Variants in ZEB2 observed in about 807,000 individuals in gnomAD.
The protein encoded by ZEB2 is zinc finger E-box-binding homeobox 2.
Under a neutral mutation model 99.9 loss-of-function variants are expected in ZEB2, and 6 were observed. The observed-to-expected ratio is 0.06, with a 90% CI of 0.03 to 0.12. The LOEUF is 0.12. ZEB2 is among the 10% of genes least tolerant of loss of function. The pLI is 1.00. For missense variants in ZEB2, 969 were observed against 1,502.8 expected, an observed-to-expected ratio of 0.64 and a Z score of 5.87; for synonymous variants, 517 against 542.5, an observed-to-expected ratio of 0.95 and a Z score of 0.65.
In ZEB2 at chr2:144,417,037, G is replaced by A. The variant is rs114313843; in HGVS notation, c.403+7759C>T. 5.1e-3 allele frequency among the ~76,000 whole-genome samples: 777 copies of A among 152,216 alleles called. 3 individuals carry two copies. Among genetic ancestry groups the A allele is most frequent in the African/African-American group, 0.018 (728 of 41,536 alleles). On this transcript the variant is annotated intron_variant, in intron 4 of 9. Transcript: ENST00000627532. The stretch of plus-strand genomic sequence containing the variant: ...AATATTTTACATGCATTTCGTATTC[G>A]TCTACCACTGTTTTATTCACCCGGA...
intron 2 of ZEB2, among the ~76,000 whole-genome samples, chr2:144,511,102 C>T (rs572691963): frequency 6.6e-6 from 1 of 152,158 alleles, no homozygotes; most frequent in African/African-American, 2.4e-5. Context: ...CCAGATGACA[C>T]AAGAGTTGGT....
chr2:144,491,368 A>C (rs1338826431), intron 2 of ZEB2, among the ~76,000 whole-genome samples: 7 of 152,082 alleles, frequency 4.6e-5, no homozygotes, highest in East Asian at 1.9e-4. Flanking sequence ...AAAAAAAAAA[A>C]AAAAAACGAC....
In ZEB2 at chr2:144,451,202, C is replaced by T. The variant is rs540359778; in HGVS notation, c.74-21176G>A. Among the ~76,000 whole-genome samples, 130 of 152,220 alleles carry T rather than the reference C, an allele frequency of 8.5e-4. 1 individual carries two copies. Among genetic ancestry groups the T allele is most frequent in the African/African-American group, 3.0e-3 (126 of 41,520 alleles). ...GAGGTCCTATAGAAGCTGTTAGTTCCCATATAGAAATACTAGAGTGAATAA... is the reference window on the plus strand; with the variant it reads ...GAGGTCCTATAGAAGCTGTTAGTTCTCATATAGAAATACTAGAGTGAATAA... On this transcript the variant is annotated intron_variant, in intron 2 of 9. Coordinates refer to ENST00000627532, the MANE Select transcript of ZEB2 (RefSeq NM_014795.4).
At chr2:144,453,445 T>C (rs931864363) in intron 2 of ZEB2, among the ~76,000 whole-genome samples, 3 of 152,180 alleles carry the variant, frequency 2.0e-5, no homozygotes, top group Non-Finnish European at 4.4e-5. Flanking sequence ...TCTCAAATAA[T>C]TTTTCACTGA....
Position 144,385,424 on chromosome 2 carries a change from T to G in ZEB2, c.*4027A>C, listed in dbSNP as rs971471469. Reference sequence around the variant, plus strand: ...TTTCCCCATGTGAATTCTTTGGTGTTTTTTCCCCCTCTTTTTTTAGTGCTA... The same window carrying G: ...TTTCCCCATGTGAATTCTTTGGTGTGTTTTCCCCCTCTTTTTTTAGTGCTA... On this transcript the variant is annotated 3_prime_UTR_variant, in exon 10 of 10. Coordinates refer to ENST00000627532, the MANE Select transcript of ZEB2 (RefSeq NM_014795.4). The G allele has an allele frequency of 6.6e-6, 1 of 152,160 alleles. No homozygotes were observed. The highest frequency in any genetic ancestry group is 2.4e-5 in the African/African-American group (1 of 41,422). 9.4% of individuals were successfully genotyped at this position (152,160 alleles called of 1,614,324 possible).
chr2:144,500,479 G>GTT (rs1560652042), intron 2 of ZEB2, among the ~76,000 whole-genome samples: 2 of 152,124 alleles, frequency 1.3e-5, no homozygotes, highest in Non-Finnish European at 2.9e-5. Context: ...GATTGATACT[G>GTT]TTCACTCACT....
At chr2:144,458,742 C>T (rs1288807298) in intron 2 of ZEB2, among the ~76,000 whole-genome samples, 1 of 152,092 alleles carries the variant, frequency 6.6e-6, no homozygotes, top group Non-Finnish European at 1.5e-5. Flanking sequence ...CATGATGAAG[C>T]AATTTTAGCC....
intron 2 of ZEB2, among the ~76,000 whole-genome samples, chr2:144,504,815 G>T (rs1704930010): frequency 6.6e-6 from 1 of 152,148 alleles, no homozygotes; most frequent in South Asian, 2.1e-4. Context: ...ATTAAATGTA[G>T]CAGCCTAATT....
intron 2 of ZEB2, among the ~76,000 whole-genome samples, chr2:144,467,162 TAAAA>T (rs199536081): frequency 7.1e-6 from 1 of 140,516 alleles, no homozygotes; most frequent in African/African-American, 2.6e-5. Context: ...CATTGTTAAA[TAAAA>T]AAAAAAAGGC....
intron 2 of ZEB2, among the ~76,000 whole-genome samples, chr2:144,445,400 T>G (rs1258035593): frequency 6.7e-6 from 1 of 148,796 alleles, no homozygotes; most frequent in East Asian, 2.0e-4. Flanking sequence ...GAACAAATGC[T>G]TTGACTTGTT....
At chr2:144,477,881 G>A (rs1167576294) in intron 2 of ZEB2, among the ~76,000 whole-genome samples, 3 of 152,174 alleles carry the variant, frequency 2.0e-5, no homozygotes, top group African/African-American at 7.2e-5. Flanking sequence ...TGATGAAGGG[G>A]TTAAGCGGAA....
At chr2:144,484,803 A>C (rs1214287231) in intron 2 of ZEB2, among the ~76,000 whole-genome samples, 1 of 152,130 alleles carries the variant, frequency 6.6e-6, no homozygotes, top group Non-Finnish European at 1.5e-5. Flanking sequence ...ACACGGTGGA[A>C]CATTTCCTGA....
intron 3 of ZEB2, chr2:144,429,509 T>C (rs1011599695): frequency 1.9e-6 from 1 of 513,510 alleles, no homozygotes; most frequent in Non-Finnish European, 3.5e-6. Flanking sequence ...AAATACCTCA[T>C]GTTATGTGTT....
At chr2:144,405,161 A>T in intron 4 of ZEB2, 137 bp from the exon 5 acceptor site, 1 of 943,444 alleles carries the variant, frequency 1.1e-6, no homozygotes, top group Non-Finnish European at 1.6e-6. Context: ...GAAGTGTTGA[A>T]GATGACCGAT....
At chr2:144,449,349 A>C (rs531056401) in intron 2 of ZEB2, among the ~76,000 whole-genome samples, 1 of 152,242 alleles carries the variant, frequency 6.6e-6, no homozygotes, top group African/African-American at 2.4e-5. Context: ...TACCATTCTA[A>C]TTTTTAAAAT....
chr2:144,511,732 G>A (rs1705041881), intron 2 of ZEB2: 2 of 1,286,182 alleles, frequency 1.6e-6, no homozygotes, highest in Admixed American at 4.6e-5. Flanking sequence ...GAGGTGCCTG[G>A]ATGTTTCAAG....
intron 2 of ZEB2, among the ~76,000 whole-genome samples, chr2:144,484,085 T>C (rs116237319): frequency 0.022 from 3,359 of 152,136 alleles, 56 homozygotes; most frequent in Admixed American, 0.033. Context: ...TGATTTTTCT[T>C]ACGGAACTCA....
At position 144,404,825 on chromosome 2, in the gene ZEB2, T is replaced by C. The variant is rs992357745; in HGVS notation, c.592+11A>G. 1.2e-6 allele frequency: 2 copies of C among 1,613,264 alleles called. No individual in the cohort carries two copies. Among genetic ancestry groups the C allele is most frequent in the Non-Finnish European group, 1.7e-6 (2 of 1,179,726 alleles). Reference sequence around the variant, plus strand: ...GTCAGTGCAGTGGCTAAAAATGATTTACAGCCTCACCATTTTCTTCTTGCC... The same window carrying C: ...GTCAGTGCAGTGGCTAAAAATGATTCACAGCCTCACCATTTTCTTCTTGCC... On this transcript the variant is annotated intron_variant, in intron 5 of 9. Transcript: ENST00000627532.
intron 4 of ZEB2, chr2:144,424,376 GA>G (rs753725866): frequency 3.9e-5 from 20 of 515,956 alleles, no homozygotes; most frequent in Middle Eastern, 3.2e-4. Flanking sequence ...TTGTCTTTCT[GA>G]AAAAAAAATT....
Sources: allele counts gnomAD v4.1 joint callset (sites outside exome capture counted in the v4.1 genomes callset), GRCh38; gene constraint gnomAD v4.1.1; transcripts MANE v1.5; gene names NCBI Gene and HGNC (gene_info 2026-07-23, HGNC 2026-07-21).